The following ZNF599 variants were observed in gnomAD, a reference collection of about 807,000 sequenced individuals.
ZNF599 encodes the protein zinc finger protein 599.
In ZNF599, 10 loss-of-function variants were observed where a neutral mutation model predicts 11.7. That is an observed-to-expected ratio of 0.86 (90% CI 0.53 to 1.45). The LOEUF (loss-of-function observed/expected upper bound fraction) is 1.45, where lower values mean the gene tolerates loss of function less well. Ranked by LOEUF, ZNF599 falls within the 40% of genes most tolerant of loss-of-function variation. The pLI is 0.00. For synonymous variants in ZNF599, 232 were observed against 253.2 expected (o/e 0.92, Z 0.79); for missense variants, 688 against 713.6 (o/e 0.96, Z 0.41).
In ZNF599 at chr19:34,759,343, TTTTGCACATTC is replaced by T; in HGVS notation, c.1447_1457del (p.Glu483SerfsTer5). On this transcript the variant is annotated frameshift_variant, in exon 4 of 4. Transcript: ENST00000329285. LOFTEE classifies it low-confidence loss of function (END_TRUNC). ...TGAAGGAAGAGCTATAGTAAAAGGC[TTTTGCACATTC>T]TTTGCACTCCAAGGGTTTTTGTCCA... 1 of 1,613,896 alleles carries T rather than the reference TTTTGCACATTC, an allele frequency of 6.2e-7. No individual in the cohort carries two copies. Among genetic ancestry groups the T allele is most frequent in the Non-Finnish European group, 8.5e-7 (1 of 1,179,984 alleles).
Position 34,772,582 on chromosome 19 carries a change from A to G in ZNF599, c.18+242T>C, listed in dbSNP as rs2069190201. 7.5e-6 allele frequency: 10 copies of G among 1,336,372 alleles called. No homozygotes were observed. In the South Asian group the frequency reaches 1.2e-4, roughly 16 times the overall value. The allele number at this position is 1,336,372 out of a possible 1,614,324, so 82.8% of individuals were successfully genotyped here. On this transcript the variant is annotated intron_variant, in intron 1 of 3. Coordinates refer to ENST00000329285, the MANE Select transcript of ZNF599 (RefSeq NM_001007248.3). The stretch of plus-strand genomic sequence containing the variant: ...GAGGGAATGGAGGCCGAGGGCAGCG[A>G]GGCGACAGCTCCAGGTTAGAGCCAG...
chr19:34,791,101 A>G, the ZNF599 span, among the ~76,000 whole-genome samples: 2 of 152,216 alleles, frequency 1.3e-5, no homozygotes, highest in African/African-American at 4.8e-5. Context: ...TCTTATTACC[A>G]CCATTTACTA....
the ZNF599 span, among the ~76,000 whole-genome samples, chr19:34,797,263 G>A: frequency 5.3e-5 from 8 of 152,170 alleles, no homozygotes; most frequent in East Asian, 3.9e-4. Flanking sequence ...GAATAGTGCC[G>A]CAATAAACAT....
At position 34,767,324 on chromosome 19, in the gene ZNF599, G is replaced by C. The variant is rs773616721; in HGVS notation, c.233C>G (p.Thr78Ser). The change falls in exon 3 of 4, where the codon ACC (threonine) becomes AGC (serine). Residue 78 changes from threonine to serine, a missense_variant. Coordinates refer to ENST00000329285, the MANE Select transcript of ZNF599 (RefSeq NM_001007248.3). ...WTVKRGLSQS[T>S]CAGEKAKPKI... ...GACTCTCAGTCACCAACCTGCGCAG[G>C]TGCTTTGGGAGAGGCCTCTCTTCAC... is the stretch of plus-strand genomic sequence containing the variant. 1 of 1,614,020 alleles carries C rather than the reference G, an allele frequency of 6.2e-7. No homozygotes were observed. The highest frequency in any genetic ancestry group is 1.3e-5 in the African/African-American group (1 of 75,020).
rs1568492304 is a variant in ZNF599 at position 34,760,162 on chromosome 19, G to GT, written c.638_639insA (p.Leu214ProfsTer15). On this transcript the variant is annotated frameshift_variant, in exon 4 of 4. Coordinates refer to ENST00000329285, the MANE Select transcript of ZNF599 (RefSeq NM_001007248.3). LOFTEE classifies it low-confidence loss of function (END_TRUNC). ...CATGAATCTGTTGATGCCGAACAAG[G>GT]GCCCACTTCTTGCTAAACCCTTTCC... 11 of 1,614,078 alleles carry GT rather than the reference G, an allele frequency of 6.8e-6. No individual in the cohort carries two copies. Among genetic ancestry groups the GT allele is most frequent in the Non-Finnish European group, 9.3e-6 (11 of 1,180,010 alleles).
the ZNF599 span, chr19:34,779,624 G>A: frequency 9.1e-4 from 321 of 353,248 alleles, no homozygotes; most frequent in African/African-American, 6.5e-3. Flanking sequence ...CATCTCTTAG[G>A]AGATGCACTC....
chr19:34,772,070 G>A (rs2069186899), intron 1 of ZNF599, among the ~76,000 whole-genome samples: 1 of 152,198 alleles, frequency 6.6e-6, no homozygotes, highest in Admixed American at 6.5e-5. Context: ...GCTACGAGGA[G>A]TAAACAGTGT....
At chr19:34,804,810 C>G in the ZNF599 span, among the ~76,000 whole-genome samples, 1 of 152,170 alleles carries the variant, frequency 6.6e-6, no homozygotes, top group Admixed American at 6.5e-5. Flanking sequence ...CAGATAAGCT[C>G]CAAGTCTGCC....
the ZNF599 span, among the ~76,000 whole-genome samples, chr19:34,801,192 T>C: frequency 6.6e-6 from 1 of 152,240 alleles, no homozygotes; most frequent in Non-Finnish European, 1.5e-5. Flanking sequence ...ATAAACCTCA[T>C]ACTCTTCCAC....
Position 34,772,866 on chromosome 19 carries a change from G to C in ZNF599, c.-25C>G. 6.9e-7 allele frequency: 1 copy of C among 1,449,840 alleles called. No individual in the cohort carries two copies. Among genetic ancestry groups the C allele is most frequent in the Non-Finnish European group, 9.0e-7 (1 of 1,105,990 alleles). The allele number at this position is 1,449,840 out of a possible 1,614,324, so 89.8% of individuals were successfully genotyped here. On this transcript the variant is annotated 5_prime_UTR_variant, in exon 1 of 4. Coordinates refer to ENST00000329285, the MANE Select transcript of ZNF599 (RefSeq NM_001007248.3). ...TGGGCCCAGGGGGCTGGGTGAGGCC[G>C]TGAGAGTCGGCGAGGAAGCCGGTCC...
At chr19:34,763,243 T>C (rs966943126) in intron 3 of ZNF599, 1 of 152,154 alleles carries the variant, frequency 6.6e-6, no homozygotes, top group African/African-American at 2.4e-5. Flanking sequence ...AATAAATATA[T>C]TAATAAAATG....
chr19:34,801,518 T>G, the ZNF599 span, among the ~76,000 whole-genome samples: 1 of 152,258 alleles, frequency 6.6e-6, no homozygotes, highest in Admixed American at 6.5e-5. Flanking sequence ...TTGGACTCTT[T>G]GGTGTTTGAC....
chr19:34,775,217 GT>G (rs2069212613), upstream of ZNF599, among the ~76,000 whole-genome samples: 1 of 152,124 alleles, frequency 6.6e-6, no homozygotes, highest in South Asian at 2.1e-4. Context: ...CCAGTCTCAG[GT>G]TTTCCTTTAC....
chr19:34,760,556 T>C lies in ZNF599; in HGVS notation c.245A>G (p.Glu82Gly). The change falls in exon 4 of 4, where the codon GAA (glutamate) becomes GGA (glycine). Residue 82 changes from glutamate to glycine, a missense_variant. Physicochemically the swap from Glu to Gly is moderately conservative, Grantham distance 98. Coordinates refer to ENST00000329285, the MANE Select transcript of ZNF599 (RefSeq NM_001007248.3). ...RGLSQSTCAG[E>G]KAKPKITEPT... ...CTCTGTAATCTTGGGTTTTGCTTTT[T>C]CACCTGAAGGAAATCCAATATAAAA... is the stretch of plus-strand genomic sequence containing the variant. 6.3e-7 allele frequency: 1 copy of C among 1,592,284 alleles called. No individual in the cohort carries two copies. Among genetic ancestry groups the C allele is most frequent in the South Asian group, 1.1e-5 (1 of 87,128 alleles).
upstream of ZNF599, among the ~76,000 whole-genome samples, chr19:34,774,967 A>T (rs1362063838): frequency 6.6e-6 from 1 of 152,180 alleles, no homozygotes; most frequent in African/African-American, 2.4e-5. Flanking sequence ...GAGTTTTCTC[A>T]AGATCTGACT....
At position 34,767,193 on chromosome 19, in the gene ZNF599, G is replaced by C. The variant is rs540005296; in HGVS notation, c.241+123C>G. ...AGAAGTGGGAAGACGGGGGACCATG[G>C]GGTCAAGGGCTCCATGACTGCTCAA... On this transcript the variant is annotated intron_variant, in intron 3 of 3. Transcript: ENST00000329285. 4.5e-6 allele frequency: 3 copies of C among 664,704 alleles called. No individual in the cohort carries two copies. The African/African-American group carries it at 5.4e-5, about 12-fold the overall frequency. 41.2% of individuals were successfully genotyped at this position (664,704 alleles called of 1,614,324 possible).
intron 1 of ZNF599, among the ~76,000 whole-genome samples, chr19:34,771,430 A>C (rs1274313134): frequency 6.6e-6 from 1 of 152,230 alleles, no homozygotes. Context: ...GGTAATACAC[A>C]GAAACTGCCT....
At chr19:34,794,089 G>C in the ZNF599 span, among the ~76,000 whole-genome samples, 2 of 152,190 alleles carry the variant, frequency 1.3e-5, no homozygotes, top group Non-Finnish European at 2.9e-5. Context: ...GGCAAAATGA[G>C]AGCTTGTGCT....
At chr19:34,761,284 G>A (rs1206636254) in intron 3 of ZNF599, among the ~76,000 whole-genome samples, 6 of 151,778 alleles carry the variant, frequency 4.0e-5, no homozygotes, top group Non-Finnish European at 8.8e-5. Flanking sequence ...ACACAAAATA[G>A]GTAAGATCTA....
Sources: gnomAD v4.1 joint callset for allele counts (sites outside exome capture counted in the v4.1 genomes callset) on GRCh38, gnomAD v4.1.1 for gene constraint, MANE v1.5 for transcripts, NCBI Gene and HGNC (gene_info 2026-07-23, HGNC 2026-07-21) for gene names.